The following EYS variants were observed in gnomAD, a reference collection of about 807,000 sequenced individuals.
The protein encoded by EYS is protein eyes shut homolog.
In EYS, 250 loss-of-function variants were observed where a neutral mutation model predicts 282.1. That is an observed-to-expected ratio of 0.89 (90% CI 0.80 to 0.98). The LOEUF is 0.98. Among genes scored for constraint, EYS ranks in the 50% least tolerant of loss-of-function variants. EYS has a pLI of 0.00. For missense variants in EYS, 4,016 were observed against 3,709.0 expected, an observed-to-expected ratio of 1.08 and a Z score of -2.15; for synonymous variants, 1,355 against 1,282.9, an observed-to-expected ratio of 1.06 and a Z score of -1.20.
At chr6:64,189,582 A>T (rs1005665158) in intron 31 of EYS, among the ~76,000 whole-genome samples, 12 of 152,160 alleles carry the variant, frequency 7.9e-5, no homozygotes, top group African/African-American at 2.9e-4. Flanking sequence ...TGTTTTGTAG[A>T]TATGGTTAAC....
intron 26 of EYS, among the ~76,000 whole-genome samples, chr6:64,572,840 T>C (rs1300863366): frequency 6.6e-6 from 1 of 152,172 alleles, no homozygotes; most frequent in East Asian, 1.9e-4. Context: ...AAAATGGCCA[T>C]AATGCCCAAA....
intron 22 of EYS, among the ~76,000 whole-genome samples, chr6:64,692,523 T>C (rs1379146047): frequency 6.6e-6 from 1 of 152,180 alleles, no homozygotes; most frequent in African/African-American, 2.4e-5. Context: ...TTTTGGAGAC[T>C]TAGCCAAAAA....
chr6:65,628,191 C>A (rs1364945697), intron 2 of EYS, among the ~76,000 whole-genome samples: 2 of 152,098 alleles, frequency 1.3e-5, no homozygotes, highest in African/African-American at 2.4e-5. Context: ...CCAATCAGCA[C>A]CCTGTGTTTA....
chr6:64,909,096 A>G (rs1767915377), intron 16 of EYS, among the ~76,000 whole-genome samples: 1 of 152,142 alleles, frequency 6.6e-6, no homozygotes, highest in Non-Finnish European at 1.5e-5. Flanking sequence ...ATTAACTGGT[A>G]TGTCTCTCCC....
intron 39 of EYS, chr6:63,787,239 G>A (rs1770389457): frequency 6.6e-6 from 1 of 152,230 alleles, no homozygotes; most frequent in Admixed American, 6.5e-5. Flanking sequence ...AACACAGGAA[G>A]ACAGACTGTG....
At chr6:64,154,104 C>T (rs192625332) in intron 31 of EYS, among the ~76,000 whole-genome samples, 1 of 151,808 alleles carries the variant, frequency 6.6e-6, no homozygotes, top group African/African-American at 2.4e-5. Context: ...TAATAAACAC[C>T]AAAGTTTATG....
intron 19 of EYS, among the ~76,000 whole-genome samples, chr6:64,858,404 A>T (rs1234759828): frequency 1.3e-5 from 2 of 152,098 alleles, no homozygotes; most frequent in Admixed American, 6.6e-5. Flanking sequence ...TCGCTTAAGC[A>T]TAAATATGTG....
At chr6:64,410,526 G>A (rs1773855166) in intron 28 of EYS, among the ~76,000 whole-genome samples, 1 of 152,184 alleles carries the variant, frequency 6.6e-6, no homozygotes, top group African/African-American at 2.4e-5. Flanking sequence ...ATCTTAGTTG[G>A]ATTTAAATGA....
chr6:64,302,182 T>C (rs1005353683), intron 30 of EYS, among the ~76,000 whole-genome samples: 20 of 152,274 alleles, frequency 1.3e-4, no homozygotes, highest in African/African-American at 4.3e-4. Flanking sequence ...ACGTCACTGC[T>C]TGACCAAGCC....
At chr6:65,370,652 C>G (rs1276670840) in intron 8 of EYS, among the ~76,000 whole-genome samples, 1 of 151,642 alleles carries the variant, frequency 6.6e-6, no homozygotes, top group African/African-American at 2.4e-5. Flanking sequence ...GCATCTTTTC[C>G]CATGTTCTAT....
At chr6:64,123,126 C>A (rs546336730) in intron 31 of EYS, among the ~76,000 whole-genome samples, 1 of 152,154 alleles carries the variant, frequency 6.6e-6, no homozygotes, top group East Asian at 1.9e-4. Flanking sequence ...AGCTCTGATG[C>A]AAACCAGCAT....
At chr6:64,893,583 T>C (rs1278027462) in intron 18 of EYS, among the ~76,000 whole-genome samples, 1 of 152,022 alleles carries the variant, frequency 6.6e-6, no homozygotes, top group Non-Finnish European at 1.5e-5. Flanking sequence ...CAAATGTGAC[T>C]ACTTCATTTT....
At chr6:64,667,240 T>G (rs1199566750) in intron 22 of EYS, among the ~76,000 whole-genome samples, 1 of 150,342 alleles carries the variant, frequency 6.7e-6, no homozygotes, top group African/African-American at 2.4e-5. Context: ...TTAACATCAT[T>G]TATTGGTATC....
intron 12 of EYS, among the ~76,000 whole-genome samples, chr6:65,146,527 C>A (rs1581954106): frequency 1.3e-5 from 2 of 151,902 alleles, no homozygotes; most frequent in South Asian, 2.1e-4. Flanking sequence ...ATGGTAAATT[C>A]TTTAAACACA....
intron 35 of EYS, among the ~76,000 whole-genome samples, chr6:63,929,263 G>A (rs917042207): frequency 1.3e-5 from 2 of 152,152 alleles, no homozygotes; most frequent in African/African-American, 2.4e-5. Flanking sequence ...AACCAAATAA[G>A]TAGTGATCAG....
At chr6:63,806,156 C>A in intron 37 of EYS, 34 bp downstream of exon 37, 1 of 1,508,028 alleles carries the variant, frequency 6.6e-7, no homozygotes, top group Non-Finnish European at 9.0e-7. Context: ...CTTAAAGGAG[C>A]GAGGCAAGTC....
chr6:64,210,453 C>T (rs1292308952), intron 31 of EYS, among the ~76,000 whole-genome samples: 1 of 151,970 alleles, frequency 6.6e-6, no homozygotes, highest in Non-Finnish European at 1.5e-5. Flanking sequence ...CCTTTTGTGT[C>T]CAAATTCTCC....
At chr6:65,380,288 A>G (rs1582215103) in intron 8 of EYS, among the ~76,000 whole-genome samples, 1 of 152,148 alleles carries the variant, frequency 6.6e-6, no homozygotes, top group East Asian at 1.9e-4. Context: ...GACCAATGGA[A>G]CACAACAAAG....
At chr6:65,613,800 C>T (rs1272139901) in intron 2 of EYS, among the ~76,000 whole-genome samples, 1 of 151,832 alleles carries the variant, frequency 6.6e-6, no homozygotes, top group African/African-American at 2.4e-5. Context: ...TCGGTCTTCA[C>T]ATAATATATG....
Sources: gnomAD v4.1 joint callset for allele counts (sites outside exome capture counted in the v4.1 genomes callset) on GRCh38, gnomAD v4.1.1 for gene constraint, MANE v1.5 for transcripts, NCBI Gene and HGNC (gene_info 2026-07-23, HGNC 2026-07-21) for gene names.